The following MGMT variants were observed in gnomAD, a reference collection of about 807,000 sequenced individuals.
The protein encoded by MGMT is methylated-DNA--protein-cysteine methyltransferase.
In MGMT, 14 loss-of-function variants were observed where a neutral mutation model predicts 15.9. The observed-to-expected ratio is 0.88, with a 90% CI of 0.58 to 1.37. MGMT has a LOEUF of 1.37. MGMT is among the 40% of genes most tolerant of loss of function. MGMT has a pLI of 0.00. For synonymous variants in MGMT, 130 were observed against 118.2 expected (o/e 1.10, Z -0.65); for missense variants, 282 against 268.1 (o/e 1.05, Z -0.36).
chr10:129,505,029 T>C (rs1845610413), intron 1 of MGMT, among the ~76,000 whole-genome samples: 1 of 152,208 alleles, frequency 6.6e-6, no homozygotes, highest in Non-Finnish European at 1.5e-5. Context: ...CTTTGGAAAG[T>C]GTTATAGACT....
At chr10:129,614,500 CG>C (rs61482214) in intron 2 of MGMT, among the ~76,000 whole-genome samples, 18,634 of 152,230 alleles carry the variant, frequency 0.12, 1,324 homozygotes, top group East Asian at 0.29. Context: ...GGCCCTGACA[CG>C]TGCTCGGCGG....
chr10:129,633,846 A>G (rs1302238949), intron 2 of MGMT, among the ~76,000 whole-genome samples: 2 of 152,238 alleles, frequency 1.3e-5, no homozygotes, highest in South Asian at 4.1e-4. Context: ...CAGATAGTAA[A>G]TATATTAGTC....
At chr10:129,491,675 T>C (rs1845470225) in intron 1 of MGMT, among the ~76,000 whole-genome samples, 1 of 152,216 alleles carries the variant, frequency 6.6e-6, no homozygotes, top group Admixed American at 6.5e-5. Flanking sequence ...TGCTGAGCTC[T>C]CTGGCAGATC....
intron 1 of MGMT, among the ~76,000 whole-genome samples, chr10:129,517,223 A>G (rs1218486949): frequency 2.6e-5 from 4 of 152,228 alleles, no homozygotes; most frequent in African/African-American, 9.6e-5. Flanking sequence ...CAGTCTTCTG[A>G]ATGGACCTCA....
chr10:129,529,800 G>A (rs1845910294), intron 1 of MGMT, among the ~76,000 whole-genome samples: 1 of 111,314 alleles, frequency 9.0e-6, no homozygotes, highest in South Asian at 3.9e-4. Flanking sequence ...GACATCAACA[G>A]TGTAACATTA....
intron 1 of MGMT, among the ~76,000 whole-genome samples, chr10:129,470,072 A>G (rs1488752627): frequency 1.3e-5 from 2 of 152,230 alleles, no homozygotes; most frequent in Non-Finnish European, 2.9e-5. Flanking sequence ...CACATAAACC[A>G]TCACCTGACT....
At chr10:129,632,649 A>T (rs1847223464) in intron 2 of MGMT, among the ~76,000 whole-genome samples, 1 of 152,000 alleles carries the variant, frequency 6.6e-6, no homozygotes, top group African/African-American at 2.4e-5. Flanking sequence ...GCTCCGGGGG[A>T]TGTCGGCCCG....
chr10:129,587,669 A>G (rs1165448337), intron 2 of MGMT, among the ~76,000 whole-genome samples: 1 of 150,922 alleles, frequency 6.6e-6, no homozygotes, highest in African/African-American at 2.4e-5. Context: ...TTATATTTTT[A>G]TCATGATCCA....
chr10:129,481,982 AG>A (rs1385375041), intron 1 of MGMT, among the ~76,000 whole-genome samples: 1 of 152,040 alleles, frequency 6.6e-6, no homozygotes, highest in Non-Finnish European at 1.5e-5. Flanking sequence ...GTAGTTTCTT[AG>A]GGTAGAGGCT....
chr10:129,638,448 A>AAAAG lies in MGMT; in HGVS notation c.126-69444_126-69443insGAAA, dbSNP rs1554872352. On this transcript the variant is annotated intron_variant, in intron 2 of 4. Transcript: ENST00000651593. Reference sequence around the variant, plus strand: ...AAGAGGCAAAAAAAAAAAAAAAAGAAAAAAAAAAGAAAAATAACTGACGTC... The same window carrying AAAAG: ...AAGAGGCAAAAAAAAAAAAAAAAGAAAAAGAAAAAAAAGAAAAATAACTGACGTC... Among the ~76,000 whole-genome samples, 252 of 148,584 alleles carry AAAAG rather than the reference A, an allele frequency of 1.7e-3. 1 individual carries two copies. The highest frequency in any genetic ancestry group is 5.9e-3 in the African/African-American group (239 of 40,388).
At chr10:129,534,762 G>A (rs1321636166) in intron 1 of MGMT, among the ~76,000 whole-genome samples, 1 of 151,834 alleles carries the variant, frequency 6.6e-6, no homozygotes. Flanking sequence ...GATTTGGGAT[G>A]CATGTGGGAT....
chr10:129,681,632 C>A (rs1015401771), intron 2 of MGMT, among the ~76,000 whole-genome samples: 2 of 152,204 alleles, frequency 1.3e-5, no homozygotes, highest in African/African-American at 4.8e-5. Context: ...GGTCCACTTA[C>A]ATGTGGATTT....
At chr10:129,644,215 G>A (rs959399206) in intron 2 of MGMT, among the ~76,000 whole-genome samples, 9 of 152,216 alleles carry the variant, frequency 5.9e-5, no homozygotes, top group East Asian at 1.9e-4. Context: ...TCTTACTCCC[G>A]GTACACCCAG....
chr10:129,660,497 G>A (rs781162956), intron 2 of MGMT, among the ~76,000 whole-genome samples: 16 of 152,146 alleles, frequency 1.1e-4, no homozygotes, highest in Non-Finnish European at 2.2e-4. Context: ...GCACTGCAGA[G>A]AGGCCTTGGG....
chr10:129,612,822 T>C (rs974159215), intron 2 of MGMT, among the ~76,000 whole-genome samples: 3 of 152,182 alleles, frequency 2.0e-5, no homozygotes, highest in African/African-American at 4.8e-5. Context: ...AAAGAGGTAT[T>C]TTTATTTCTT....
At chr10:129,726,078 C>G (rs1337577892) in intron 3 of MGMT, among the ~76,000 whole-genome samples, 1 of 152,090 alleles carries the variant, frequency 6.6e-6, no homozygotes, top group African/African-American at 2.4e-5. Flanking sequence ...GCTCCAGACT[C>G]TCAGTGCAAT....
intron 3 of MGMT, among the ~76,000 whole-genome samples, chr10:129,721,659 C>G (rs888039970): frequency 4.6e-5 from 7 of 152,258 alleles, no homozygotes; most frequent in Admixed American, 3.9e-4. Flanking sequence ...ATACATTGTT[C>G]TAAGTTTCTT....
chr10:129,510,908 A>G (rs1056015662), intron 1 of MGMT, among the ~76,000 whole-genome samples: 4 of 150,596 alleles, frequency 2.7e-5, no homozygotes, highest in Non-Finnish European at 4.4e-5. Context: ...CCCGTATACC[A>G]GACACAGGCA....
chr10:129,677,899 G>T (rs1847803852), intron 2 of MGMT, among the ~76,000 whole-genome samples: 1 of 152,144 alleles, frequency 6.6e-6, no homozygotes, highest in South Asian at 2.1e-4. Flanking sequence ...GAGGCCGGTT[G>T]TTGGCCATAA....
Sources: allele counts gnomAD v4.1 joint callset (sites outside exome capture counted in the v4.1 genomes callset), GRCh38; gene constraint gnomAD v4.1.1; transcripts MANE v1.5; gene names NCBI Gene and HGNC (gene_info 2026-07-23, HGNC 2026-07-21).